Variants in BCL2 observed in about 807,000 individuals in gnomAD.
The protein encoded by BCL2 is apoptosis regulator Bcl-2.
In BCL2, 1 loss-of-function variant was observed where a neutral mutation model predicts 14.2. The ratio of observed to expected loss-of-function variants is 0.07; its 90% CI spans 0.02 to 0.33. The LOEUF is 0.33. Ranked by LOEUF, BCL2 falls within the 10% of genes least tolerant of loss-of-function variation. The pLI is 0.99. For synonymous variants in BCL2, 151 were observed against 137.2 expected (o/e 1.10, Z -0.70); for missense variants, 247 against 305.9 (o/e 0.81, Z 1.44).
At chr18:63,152,520 G>A (rs1373143703) in intron 2 of BCL2, among the ~76,000 whole-genome samples, 1 of 152,184 alleles carries the variant, frequency 6.6e-6, no homozygotes, top group South Asian at 2.1e-4. Flanking sequence ...TCTAAGTCAA[G>A]TCTGGTGAGG....
In BCL2 at chr18:63,130,218, T is replaced by A. The variant is rs559909297; in HGVS notation, c.586-1459A>T. ...TAAATGAATTCTTTTTACTTCTGATTTATTCAGGATGAAGAAGAAAACAAG... is the reference window on the plus strand; with the variant it reads ...TAAATGAATTCTTTTTACTTCTGATATATTCAGGATGAAGAAGAAAACAAG... On this transcript the variant is annotated intron_variant, in intron 2 of 2. Transcript: ENST00000333681. Among the ~76,000 whole-genome samples, 6 of 152,352 alleles carry A rather than the reference T, an allele frequency of 3.9e-5. No homozygotes were observed. In the South Asian group the frequency reaches 1.2e-3, roughly 32 times the overall value.
chr18:63,154,993 G>A (rs1014942514), intron 2 of BCL2, among the ~76,000 whole-genome samples: 2 of 152,188 alleles, frequency 1.3e-5, no homozygotes, highest in African/African-American at 4.8e-5. Context: ...CACCGTGTGG[G>A]GTAAGGAGCC....
chr18:63,244,380 A>AAAC (rs1240833118), intron 2 of BCL2, among the ~76,000 whole-genome samples: 4 of 151,414 alleles, frequency 2.6e-5, no homozygotes, highest in East Asian at 1.9e-4. Context: ...TCTGTCTCAA[A>AAAC]AACAACAACA....
intron 2 of BCL2, among the ~76,000 whole-genome samples, chr18:63,214,623 T>C (rs1388464093): frequency 6.9e-6 from 1 of 144,014 alleles, no homozygotes; most frequent in Non-Finnish European, 1.5e-5. Context: ...TCAAAAACTG[T>C]CGGGTAATAA....
chr18:63,176,442 T>C (rs1016436396), intron 2 of BCL2, among the ~76,000 whole-genome samples: 1 of 152,118 alleles, frequency 6.6e-6, no homozygotes, highest in Non-Finnish European at 1.5e-5. Flanking sequence ...AGGCACAGAG[T>C]CAGCATTTGT....
intron 2 of BCL2, among the ~76,000 whole-genome samples, chr18:63,246,619 G>A (rs978123903): frequency 2.0e-5 from 3 of 152,106 alleles, no homozygotes; most frequent in Admixed American, 6.5e-5. Flanking sequence ...TGTGGGAATT[G>A]TGGGAGCTAC....
intron 2 of BCL2, among the ~76,000 whole-genome samples, chr18:63,169,343 TTC>T (rs1364602426): frequency 1.8e-5 from 1 of 54,462 alleles, no homozygotes; most frequent in African/African-American, 9.8e-5. Flanking sequence ...CTTCCTTTCT[TTC>T]TTTCTTTCTT....
intron 2 of BCL2, among the ~76,000 whole-genome samples, chr18:63,218,417 C>T (rs559168337): frequency 6.6e-6 from 1 of 152,178 alleles, no homozygotes; most frequent in South Asian, 2.1e-4. Flanking sequence ...CTCCTTCTTC[C>T]CTTTCTTTTT....
chr18:63,193,136 G>C (rs1909333052), intron 2 of BCL2, among the ~76,000 whole-genome samples: 2 of 152,144 alleles, frequency 1.3e-5, no homozygotes, highest in Admixed American at 1.3e-4. Context: ...GCTAATCTGG[G>C]GCAAGGTATT....
At chr18:63,242,366 A>C (rs376255545) in intron 2 of BCL2, among the ~76,000 whole-genome samples, 3 of 152,246 alleles carry the variant, frequency 2.0e-5, no homozygotes, top group African/African-American at 7.2e-5. Flanking sequence ...GGAAGCACAC[A>C]TTATTGAGGA....
At chr18:63,183,745 G>C (rs1002400043) in intron 2 of BCL2, among the ~76,000 whole-genome samples, 3 of 152,188 alleles carry the variant, frequency 2.0e-5, no homozygotes, top group African/African-American at 4.8e-5. Context: ...AGATGTCTGA[G>C]AATTGTATAT....
At chr18:63,196,680 C>A (rs980132062) in intron 2 of BCL2, among the ~76,000 whole-genome samples, 1 of 151,862 alleles carries the variant, frequency 6.6e-6, no homozygotes, top group Non-Finnish European at 1.5e-5. Flanking sequence ...ACCGTGCGGC[C>A]CTTTATCATA....
At chr18:63,214,975 C>A (rs745462529) in intron 2 of BCL2, among the ~76,000 whole-genome samples, 1 of 152,158 alleles carries the variant, frequency 6.6e-6, no homozygotes, top group Non-Finnish European at 1.5e-5. Context: ...TCCCAAAATG[C>A]TGGGATTACA....
chr18:63,220,778 G>T (rs1397995494), intron 2 of BCL2, among the ~76,000 whole-genome samples: 1 of 151,504 alleles, frequency 6.6e-6, no homozygotes, highest in African/African-American at 2.4e-5. Context: ...TTCAGGGAAG[G>T]TTTCCGGTAG....
At chr18:63,138,466 C>A (rs111407028) in intron 2 of BCL2, among the ~76,000 whole-genome samples, 1 of 152,212 alleles carries the variant, frequency 6.6e-6, no homozygotes, top group African/African-American at 2.4e-5. Flanking sequence ...ATATTGTTTC[C>A]GGGTTTGGGG....
Position 63,194,617 on chromosome 18 carries a change from C to CAT in BCL2, c.586-65860_586-65859dup, listed in dbSNP as rs560702510. Among the ~76,000 whole-genome samples, 37 of 152,268 alleles carry CAT rather than the reference C, an allele frequency of 2.4e-4. No individual in the cohort carries two copies. The South Asian group carries it at 4.4e-3, about 18-fold the overall frequency. ...TAGAGATTGAGGTTGGCACATCTCA[C>CAT]ATATGACTATGAATACCCAATCATT... On this transcript the variant is annotated intron_variant, in intron 2 of 2. Coordinates refer to ENST00000333681, the MANE Select transcript of BCL2 (RefSeq NM_000633.3).
intron 2 of BCL2, among the ~76,000 whole-genome samples, chr18:63,289,556 T>G (rs1403498634): frequency 6.6e-6 from 1 of 151,886 alleles, no homozygotes; most frequent in Non-Finnish European, 1.5e-5. Flanking sequence ...GAGAGGAATT[T>G]GAACAGCTGG....
At position 63,127,947 on chromosome 18, in the gene BCL2, C is replaced by T. The variant is rs1220210116; in HGVS notation, c.*678G>A. 4.4e-6 allele frequency: 1 copy of T among 225,652 alleles called. No homozygotes were observed. Among genetic ancestry groups the T allele is most frequent in the Non-Finnish European group, 8.8e-6 (1 of 113,070 alleles). The allele number at this position is 225,652 out of a possible 1,614,324, so 14.0% of individuals were successfully genotyped here. A position where few individuals can be genotyped will look rare whatever the true frequency, so the allele number is the denominator to read the frequency against. ...TGATTTAAGGGCATTTTTCCCATCG[C>T]TGTCCTTCGGCGTGGAAATCTCAGT... is the stretch of plus-strand genomic sequence containing the variant. On this transcript the variant is annotated 3_prime_UTR_variant, in exon 3 of 3. Coordinates refer to ENST00000333681, the MANE Select transcript of BCL2 (RefSeq NM_000633.3).
intron 2 of BCL2, among the ~76,000 whole-genome samples, chr18:63,300,032 G>GT (rs1244839691): frequency 4.6e-5 from 7 of 152,102 alleles, no homozygotes; most frequent in Non-Finnish European, 8.8e-5. Flanking sequence ...AAATGACCAC[G>GT]TTTTATTGTA....
Sources: allele counts gnomAD v4.1 joint callset (sites outside exome capture counted in the v4.1 genomes callset), GRCh38; gene constraint gnomAD v4.1.1; transcripts MANE v1.5; gene names NCBI Gene and HGNC (gene_info 2026-07-23, HGNC 2026-07-21).